The following DPF3 variants were observed in gnomAD, a reference collection of about 807,000 sequenced individuals.
DPF3 encodes the protein zinc finger protein DPF3.
A neutral mutation model predicts 56.8 loss-of-function variants in DPF3; 18 were observed. The observed-to-expected ratio is 0.32, with a 90% confidence interval of 0.22 to 0.47. The LOEUF (loss-of-function observed/expected upper bound fraction) is 0.47. DPF3 is among the 20% of genes least tolerant of loss of function. The probability of loss-of-function intolerance (pLI) is 1.00; values close to 1 mark genes in which losing one functional copy is unlikely to be tolerated. For synonymous variants in DPF3, 188 were observed against 180.2 expected, an observed-to-expected ratio of 1.04 and a Z score of -0.35; for missense variants, 403 against 488.8, an observed-to-expected ratio of 0.82 and a Z score of 1.65.
chr14:72,839,533 T>A (rs549157500), intron 1 of DPF3, among the ~76,000 whole-genome samples: 441 of 152,266 alleles, frequency 2.9e-3, no homozygotes, highest in Non-Finnish European at 5.0e-3. Context: ...CCCGAGGGAC[T>A]GGCGAAATGA....
At chr14:72,826,271 G>A (rs1354759297) in intron 1 of DPF3, among the ~76,000 whole-genome samples, 1 of 152,194 alleles carries the variant, frequency 6.6e-6, no homozygotes, top group Non-Finnish European at 1.5e-5. Flanking sequence ...CCTGGCCTGG[G>A]AAGATGATAA....
At chr14:72,727,405 G>A (rs767689405) in intron 4 of DPF3, among the ~76,000 whole-genome samples, 20 of 152,046 alleles carry the variant, frequency 1.3e-4, no homozygotes, top group Non-Finnish European at 1.8e-4. Context: ...GTGAAACCCC[G>A]TTTCTACTAA....
rs897440019 is a variant in DPF3 at position 72,609,288 on chromosome 14, C to T, written c.*10009G>A. ...ACAGGTCTCCCTCCCAGAACCCCAT[C>T]AGGACAGGAGAAAAGGCAGCAAGAG... On this transcript the variant is annotated 3_prime_UTR_variant, in exon 11 of 11. Transcript: ENST00000556509. Among the ~76,000 whole-genome samples, 1 of 152,182 alleles carries T rather than the reference C, an allele frequency of 6.6e-6. No homozygotes were observed. The highest frequency in any genetic ancestry group is 2.4e-5 in the African/African-American group (1 of 41,438).
chr14:72,887,205 GC>G (rs971636979), intron 1 of DPF3, among the ~76,000 whole-genome samples: 3 of 143,422 alleles, frequency 2.1e-5, no homozygotes, highest in African/African-American at 5.2e-5. Context: ...ACAAAAGGAA[GC>G]AAAATACAGA....
chr14:72,670,649 C>T, intron 8 of DPF3: 1 of 990,582 alleles, frequency 1.0e-6, no homozygotes, highest in Non-Finnish European at 1.2e-6. Context: ...CTCTCTCTCT[C>T]TCTCTCTCTC....
At chr14:72,737,824 G>A (rs1219038558) in intron 3 of DPF3, among the ~76,000 whole-genome samples, 1 of 152,026 alleles carries the variant, frequency 6.6e-6, no homozygotes, top group Admixed American at 6.5e-5. Flanking sequence ...TGGAGATAGA[G>A]TTATGGTGCA....
intron 3 of DPF3, among the ~76,000 whole-genome samples, chr14:72,735,197 A>C (rs11627799): frequency 6.6e-6 from 1 of 151,984 alleles, no homozygotes; most frequent in Non-Finnish European, 1.5e-5. Flanking sequence ...GACTCACTCC[A>C]TAGTTTTCAT....
At chr14:72,817,082 C>T (rs1057319684) in intron 1 of DPF3, among the ~76,000 whole-genome samples, 1 of 152,188 alleles carries the variant, frequency 6.6e-6, no homozygotes, top group African/African-American at 2.4e-5. Context: ...AAGCACCACT[C>T]CAATCACCTC....
chr14:72,627,888 T>C (rs1884927744), intron 9 of DPF3, among the ~76,000 whole-genome samples: 1 of 152,146 alleles, frequency 6.6e-6, no homozygotes, highest in South Asian at 2.1e-4. Context: ...TAAGTATTTC[T>C]TCTTTGTTGC....
intron 8 of DPF3, among the ~76,000 whole-genome samples, chr14:72,652,311 C>T (rs1406680144): frequency 2.6e-5 from 4 of 152,194 alleles, no homozygotes; most frequent in Non-Finnish European, 4.4e-5. Flanking sequence ...GTCCCCATGA[C>T]TCATTGGTGG....
intron 3 of DPF3, among the ~76,000 whole-genome samples, chr14:72,746,713 C>T (rs1890337730): frequency 1.3e-5 from 2 of 152,234 alleles, no homozygotes. Flanking sequence ...GGGGTCCTTC[C>T]CCGGGACCCT....
intron 1 of DPF3, among the ~76,000 whole-genome samples, chr14:72,869,991 A>T (rs562937498): frequency 1.3e-5 from 2 of 152,250 alleles, no homozygotes; most frequent in South Asian, 4.1e-4. Flanking sequence ...CATTCAAGGG[A>T]TGCAAAATAG....
chr14:72,787,856 G>A (rs1228531309), intron 1 of DPF3, among the ~76,000 whole-genome samples: 1 of 152,202 alleles, frequency 6.6e-6, no homozygotes, highest in African/African-American at 2.4e-5. Flanking sequence ...GACAAGAGAG[G>A]AGAGGCTGCC....
At chr14:72,751,224 T>C (rs1045693221) in intron 3 of DPF3, among the ~76,000 whole-genome samples, 9 of 152,162 alleles carry the variant, frequency 5.9e-5, no homozygotes, top group African/African-American at 2.2e-4. Context: ...TTAAAAAAAC[T>C]GTACATGTAA....
chr14:72,841,016 G>C (rs1056772616), intron 1 of DPF3, among the ~76,000 whole-genome samples: 19 of 152,212 alleles, frequency 1.2e-4, no homozygotes, highest in African/African-American at 4.6e-4. Flanking sequence ...CAATTCTGCA[G>C]GTCTTCATTT....
At chr14:72,688,305 GGGTGGGTGGGTGGGT>G in intron 7 of DPF3, among the ~76,000 whole-genome samples, 1 of 107,486 alleles carries the variant, frequency 9.3e-6, no homozygotes, top group Non-Finnish European at 1.9e-5. Flanking sequence ...ATGGGTGGGT[GGGTGGGTGGGTGGGT>G]GGGTGGATGG....
intron 1 of DPF3, among the ~76,000 whole-genome samples, chr14:72,791,736 A>ACAGAGAAAAACAG (rs1892440802): frequency 6.6e-6 from 1 of 152,194 alleles, no homozygotes; most frequent in South Asian, 2.1e-4. Flanking sequence ...GAGAAAAACA[A>ACAGAGAAAAACAG]GTTCACAGAG....
intron 1 of DPF3, 26 bp from the exon 2 acceptor site, chr14:72,771,919 T>C: frequency 6.5e-7 from 1 of 1,534,024 alleles, no homozygotes; most frequent in Non-Finnish European, 8.8e-7. Flanking sequence ...AGTGAAGGGG[T>C]GAGGCCAGGG....
At chr14:72,845,545 T>A (rs1884715559) in intron 1 of DPF3, among the ~76,000 whole-genome samples, 2 of 152,210 alleles carry the variant, frequency 1.3e-5, no homozygotes, top group Admixed American at 6.5e-5. Flanking sequence ...TAATGTGTGC[T>A]GCCTTCTCCC....
Sources: allele counts gnomAD v4.1 joint callset (sites outside exome capture counted in the v4.1 genomes callset), GRCh38; gene constraint gnomAD v4.1.1; transcripts MANE v1.5; gene names NCBI Gene and HGNC (gene_info 2026-07-23, HGNC 2026-07-21).